The following SERINC2 variants were observed in gnomAD, a reference collection of about 807,000 sequenced individuals.
SERINC2 encodes the protein serine incorporator 2.
In SERINC2, 56 loss-of-function variants were observed where a neutral mutation model predicts 54.2. The ratio of observed to expected loss-of-function variants is 1.03; its 90% CI spans 0.83 to 1.29. The LOEUF is 1.29. Among genes scored for constraint, SERINC2 ranks in the 50% most tolerant of loss-of-function variants. The pLI is 0.00. For synonymous variants in SERINC2, 272 were observed against 253.1 expected, an observed-to-expected ratio of 1.07 and a Z score of -0.71; for missense variants, 614 against 607.4, an observed-to-expected ratio of 1.01 and a Z score of -0.12.
chr1:31,418,184 A>G (rs1640825850), intron 1 of SERINC2, among the ~76,000 whole-genome samples: 1 of 152,106 alleles, frequency 6.6e-6, no homozygotes. Context: ...AACAAATAAT[A>G]TTCTATTGTA....
At chr1:31,432,102 C>CAGGGTGGTT (rs1641285761) in intron 8 of SERINC2, among the ~76,000 whole-genome samples, 1 of 13,128 alleles carries the variant, frequency 7.6e-5, no homozygotes, top group Non-Finnish European at 1.4e-4. Context: ...ACAGGGTGGA[C>CAGGGTGGTT]AGGGTGGATA....
intron 1 of SERINC2, among the ~76,000 whole-genome samples, chr1:31,417,849 A>ATTT (rs1640815588): frequency 3.0e-5 from 2 of 65,840 alleles, no homozygotes; most frequent in South Asian, 6.4e-4. Context: ...TCAAAATTTC[A>ATTT]TTCTTTTTTT....
chr1:31,426,620 C>G, intron 5 of SERINC2, 34 bp from the exon 6 acceptor site: 1 of 1,562,214 alleles, frequency 6.4e-7, no homozygotes. Context: ...CTGCCCCACC[C>G]ACTGCCTACC....
In SERINC2 at chr1:31,424,892, C is replaced by T. The variant is rs1383908041; in HGVS notation, c.392+19C>T. Reference sequence around the variant, plus strand: ...AGAATGGGTGAGAGAGGGGTCCCTGCCTGCACCCTGGGACCTTCCCCCAGT... The same window carrying T: ...AGAATGGGTGAGAGAGGGGTCCCTGTCTGCACCCTGGGACCTTCCCCCAGT... On this transcript the variant is annotated intron_variant, in intron 3 of 9. Coordinates refer to ENST00000373709, the MANE Select transcript of SERINC2 (RefSeq NM_178865.5). The T allele has an allele frequency of 1.9e-6, 3 of 1,596,084 alleles. No homozygotes were observed. Among genetic ancestry groups the T allele is most frequent in the Non-Finnish European group, 2.6e-6 (3 of 1,170,856 alleles).
At position 31,432,146 on chromosome 1, in the gene SERINC2, A is replaced by T. The variant is rs1279089816; in HGVS notation, c.1014-821A>T. Among the ~76,000 whole-genome samples, 78 of 114,846 alleles carry T rather than the reference A, an allele frequency of 6.8e-4. 4 individuals carry two copies. Among genetic ancestry groups the T allele is most frequent in the East Asian group, 1.4e-3 (4 of 2,770 alleles). The allele number at this position is 114,846 out of a possible 152,430, so 75.3% of individuals were successfully genotyped here. A position where few individuals can be genotyped will look rare whatever the true frequency, so the allele number is the denominator to read the frequency against. On this transcript the variant is annotated intron_variant, in intron 8 of 9. Transcript: ENST00000373709. ...AGGGTGGATAGGGTGGACAGGGTGG[A>T]CAGGGTGGACAGGGTGGATAGGGTG...
At chr1:31,423,157 C>T (rs1553132942) in intron 1 of SERINC2, among the ~76,000 whole-genome samples, 1 of 152,162 alleles carries the variant, frequency 6.6e-6, no homozygotes, top group African/African-American at 2.4e-5. Flanking sequence ...AAGCGGAGGC[C>T]GACAAAACAT....
intron 4 of SERINC2, 131 bp downstream of exon 4, chr1:31,425,540 C>A: frequency 2.2e-6 from 2 of 891,628 alleles, no homozygotes; most frequent in South Asian, 1.4e-5. Flanking sequence ...CCTCGCTCCC[C>A]ACCCGTGAGA....
intron 3 of SERINC2, among the ~76,000 whole-genome samples, chr1:31,425,119 T>G (rs1426837645): frequency 6.6e-6 from 1 of 152,204 alleles, no homozygotes; most frequent in African/African-American, 2.4e-5. Flanking sequence ...GTGACCACCC[T>G]CACCACTGCT....
intron 8 of SERINC2, among the ~76,000 whole-genome samples, chr1:31,432,141 G>GGTGGACAGGGTGGAGAGAGTGGAGAGA: frequency 7.2e-6 from 1 of 139,380 alleles, no homozygotes; most frequent in Non-Finnish European, 1.6e-5. Context: ...GGGTGGACAG[G>GGTGGACAGGGTGGAGAGAGTGGAGAGA]GTGGACAGGG....
At chr1:31,412,373 C>T (rs1640665763), upstream of SERINC2, among the ~76,000 whole-genome samples, 1 of 152,048 alleles carries the variant, frequency 6.6e-6, no homozygotes, top group Non-Finnish European at 1.5e-5. Flanking sequence ...TTTGGGCATC[C>T]CTAGGGAGTG....
At chr1:31,410,869 G>T (rs138826764), upstream of SERINC2, among the ~76,000 whole-genome samples, 1 of 152,120 alleles carries the variant, frequency 6.6e-6, no homozygotes, top group Non-Finnish European at 1.5e-5. Context: ...AGCTCTTAGA[G>T]CAGAAGTGTC....
Position 31,413,840 on chromosome 1 carries a change from G to A in SERINC2, c.39+536G>A. ...ATTTGTCTGGTTCCTGTCTGTGTCC[G>A]TCGTTCGTCCGACTGTCTTTGTCCG... On this transcript the variant is annotated intron_variant, in intron 1 of 9. Coordinates refer to ENST00000373709, the MANE Select transcript of SERINC2 (RefSeq NM_178865.5). This position sits in a 1 kb window ranked among gnomAD's most constrained non-coding sequence, Gnocchi z 5.0. 2 of 1,409,350 alleles carry A rather than the reference G, an allele frequency of 1.4e-6. No homozygotes were observed. Among genetic ancestry groups the A allele is most frequent in the Non-Finnish European group, 9.2e-7 (1 of 1,087,874 alleles). 87.3% of individuals were successfully genotyped at this position (1,409,350 alleles called of 1,614,324 possible).
chr1:31,412,555 GC>G (rs1302056724), upstream of SERINC2, among the ~76,000 whole-genome samples: 11 of 152,178 alleles, frequency 7.2e-5, no homozygotes, highest in African/African-American at 2.4e-4. Context: ...TGTAGTCCCA[GC>G]TACTCAGGAG....
chr1:31,418,101 C>T (rs1226423935), intron 1 of SERINC2, among the ~76,000 whole-genome samples: 6 of 152,100 alleles, frequency 3.9e-5, no homozygotes, highest in Non-Finnish European at 5.9e-5. Flanking sequence ...TCAGGTGATC[C>T]GCCCGCCTTG....
chr1:31,432,643 G>C (rs1641341864), intron 8 of SERINC2, among the ~76,000 whole-genome samples: 1 of 152,130 alleles, frequency 6.6e-6, no homozygotes, highest in African/African-American at 2.4e-5. Context: ...ACTGTTGATT[G>C]AATTTATATT....
chr1:31,421,052 CCA>C (rs1394260652), intron 1 of SERINC2, among the ~76,000 whole-genome samples: 1 of 152,184 alleles, frequency 6.6e-6, no homozygotes, highest in Non-Finnish European at 1.5e-5. Context: ...AAGAACTGGG[CCA>C]CACAGCAGGA....
chr1:31,424,998 G>A (rs1407971282), intron 3 of SERINC2, 125 bp downstream of exon 3: 16 of 722,430 alleles, frequency 2.2e-5, no homozygotes, highest in Non-Finnish European at 3.4e-5. Context: ...ACAGCATGGA[G>A]AACAGCTCTG....
intron 6 of SERINC2, among the ~76,000 whole-genome samples, chr1:31,428,701 A>G (rs1473961661): frequency 6.6e-6 from 1 of 152,128 alleles, no homozygotes; most frequent in Non-Finnish European, 1.5e-5. Flanking sequence ...ACAGTGGGCC[A>G]GGTGGAGATG....
intron 8 of SERINC2, among the ~76,000 whole-genome samples, chr1:31,429,970 C>T (rs56693990): frequency 1.3e-5 from 2 of 151,994 alleles, no homozygotes; most frequent in Non-Finnish European, 2.9e-5. Context: ...CACTCTCCCC[C>T]GAGAGAAGGC....
Sources: gnomAD v4.1 joint callset for allele counts (sites outside exome capture counted in the v4.1 genomes callset) on GRCh38, gnomAD v4.1.1 for gene constraint, Gnocchi (gnomAD v3.1) non-coding constraint, MANE v1.5 for transcripts, NCBI Gene and HGNC (gene_info 2026-07-23, HGNC 2026-07-21) for gene names.